Variants in PALLD observed in about 807,000 individuals in gnomAD.
PALLD encodes the protein palladin.
PALLD carries 61 observed loss-of-function variants against 123.5 expected under a neutral mutation model. The ratio of observed to expected loss-of-function variants is 0.49; its 90% confidence interval spans 0.40 to 0.61. The LOEUF is 0.61. Ranked by LOEUF, PALLD falls within the 20% of genes least tolerant of loss-of-function variation. The pLI is 0.00. For synonymous variants in PALLD, 465 were observed against 496.4 expected (o/e 0.94, Z 0.84); for missense variants, 1,273 against 1,377.0 (o/e 0.92, Z 1.20).
At chr4:168,695,299 T>C (rs988406222) in intron 8 of PALLD, among the ~76,000 whole-genome samples, 1 of 152,186 alleles carries the variant, frequency 6.6e-6, no homozygotes, top group African/African-American at 2.4e-5. Context: ...CCCAGTAGAT[T>C]GTATGCAGTA....
intron 10 of PALLD, among the ~76,000 whole-genome samples, chr4:168,783,929 T>G (rs1202044181): frequency 1.3e-5 from 2 of 152,042 alleles, no homozygotes; most frequent in Non-Finnish European, 2.9e-5. Context: ...AAATGAGTGA[T>G]CAGTAAGTGA....
At chr4:168,788,128 A>G (rs1448233331) in intron 10 of PALLD, among the ~76,000 whole-genome samples, 1 of 152,228 alleles carries the variant, frequency 6.6e-6, no homozygotes. Context: ...GCTCACTCCC[A>G]TAGATAGAAG....
rs562583694 is a variant in PALLD, at chr4:168,894,322, C to T, written c.2101-257C>T. ...ACAAATCTTTTCTGTGTGGTTTCTT[C>T]CTTGTCGCTTATTGCTCACTTTAAA... On this transcript the variant is annotated intron_variant, in intron 11 of 21. Transcript: ENST00000505667. 208 of 492,072 alleles carry T rather than the reference C, an allele frequency of 4.2e-4. 2 individuals are homozygous for T. In the East Asian group the frequency reaches 6.8e-3, roughly 16 times the overall value. The allele number at this position is 492,072 out of a possible 1,614,324, so 30.5% of individuals were successfully genotyped here.
chr4:168,703,227 A>G (rs1323846658), intron 8 of PALLD, among the ~76,000 whole-genome samples: 3 of 146,132 alleles, frequency 2.1e-5, no homozygotes, highest in Non-Finnish European at 4.5e-5. Context: ...GTCCCTACAA[A>G]GGACATGAAC....
chr4:168,570,759 T>G (rs370878653), intron 2 of PALLD, among the ~76,000 whole-genome samples: 3 of 152,136 alleles, frequency 2.0e-5, no homozygotes, highest in East Asian at 1.9e-4. Flanking sequence ...ATACTAAAGA[T>G]CCAATGTCCT....
intron 2 of PALLD, among the ~76,000 whole-genome samples, chr4:168,581,303 AT>A (rs112786259): frequency 2.4e-4 from 35 of 146,540 alleles, no homozygotes; most frequent in African/African-American, 4.5e-4. Context: ...TGCTAGTTCT[AT>A]TTTTTTTTTT....
intron 10 of PALLD, among the ~76,000 whole-genome samples, chr4:168,867,947 G>A (rs1015977075): frequency 1.3e-5 from 2 of 151,386 alleles, no homozygotes; most frequent in African/African-American, 4.8e-5. Flanking sequence ...GATAAAACTG[G>A]TCTGAGGGTT....
intron 1 of PALLD, among the ~76,000 whole-genome samples, chr4:168,502,621 T>C (rs1761536907): frequency 6.6e-6 from 1 of 152,184 alleles, no homozygotes; most frequent in Non-Finnish European, 1.5e-5. Flanking sequence ...AATGTTTAGC[T>C]GCACTCAGTG....
chr4:168,754,910 A>G (rs775349049), intron 10 of PALLD, among the ~76,000 whole-genome samples: 15 of 152,160 alleles, frequency 9.9e-5, no homozygotes, highest in Non-Finnish European at 2.1e-4. Flanking sequence ...GTATAAAACA[A>G]TATAATGTGG....
chr4:168,586,265 TCCCA>T (rs1417291866), intron 2 of PALLD, among the ~76,000 whole-genome samples: 3 of 151,652 alleles, frequency 2.0e-5, no homozygotes, highest in Non-Finnish European at 4.4e-5. Context: ...ATTCCAGTAT[TCCCA>T]AACTCCTGGT....
rs1399484562 is a variant in PALLD, at chr4:168,921,734, G to C, written c.3051G>C (p.Val1017=). Residue 1017 remains valine, a synonymous_variant, in exon 18 of 22, where the codon GTG becomes GTC. Coordinates refer to ENST00000505667, the MANE Select transcript of PALLD (RefSeq NM_001166108.2). ...AGAACTCATTCAGCCTGGAGCTTGT[G>C]GTTGCTGGTAGGCTCATCTGTGAAT... ...AGQNSFSLEL[V]VAAKEAHKPP... 1 of 1,611,046 alleles carries C rather than the reference G, an allele frequency of 6.2e-7. No homozygotes were observed. The highest frequency in any genetic ancestry group is 1.3e-5 in the African/African-American group (1 of 74,658).
At chr4:168,610,459 G>A (rs1773621710) in intron 2 of PALLD, among the ~76,000 whole-genome samples, 1 of 152,192 alleles carries the variant, frequency 6.6e-6, no homozygotes, top group African/African-American at 2.4e-5. Flanking sequence ...CTTCGTCGAA[G>A]GTTGTGTGTG....
intron 10 of PALLD, among the ~76,000 whole-genome samples, chr4:168,724,005 G>A (rs1233599358): frequency 6.7e-6 from 1 of 149,362 alleles, no homozygotes; most frequent in Admixed American, 6.8e-5. Context: ...CAATTCTCCT[G>A]CCTCAGCCTC....
intron 2 of PALLD, among the ~76,000 whole-genome samples, chr4:168,574,399 A>G: frequency 6.6e-6 from 1 of 152,164 alleles, no homozygotes. Flanking sequence ...ATGTTCCAGT[A>G]GCTTCTTACT....
intron 2 of PALLD, chr4:168,647,780 C>CAAAAAAAAAAAAAAAAAAAAAAAAAAAA (rs34790739): frequency 1.3e-5 from 1 of 79,138 alleles, no homozygotes; most frequent in Non-Finnish European, 2.4e-5. Flanking sequence ...GACTCTGTCT[C>CAAAAAAAAAAAAAAAAAAAAAAAAAAAA]AAAAAAAAAA....
intron 10 of PALLD, among the ~76,000 whole-genome samples, chr4:168,824,088 T>C (rs1016825550): frequency 2.8e-4 from 42 of 152,328 alleles, no homozygotes; most frequent in African/African-American, 7.9e-4. Context: ...CATATACCCA[T>C]TGCCAATAAA....
At chr4:168,505,715 T>A (rs987228620) in intron 1 of PALLD, among the ~76,000 whole-genome samples, 1 of 152,236 alleles carries the variant, frequency 6.6e-6, no homozygotes, top group African/African-American at 2.4e-5. Context: ...AATGAAATAA[T>A]CTACATGATG....
rs1484808732 is a variant in PALLD at position 168,926,199 on chromosome 4, CT to C, written c.*33-9del. 2.3e-5 allele frequency: 35 copies of C among 1,504,376 alleles called. No homozygotes were observed. Among genetic ancestry groups the C allele is most frequent in the Non-Finnish European group, 2.7e-5 (31 of 1,131,056 alleles). 93.2% of individuals were successfully genotyped at this position (1,504,376 alleles called of 1,614,324 possible). On this transcript the variant is annotated splice_polypyrimidine_tract_variant and intron_variant, in intron 21 of 21. Transcript: ENST00000505667. Reference sequence around the variant, plus strand: ...TCTTGATTAAAAATCTTAATTTACTCTTTTTCTTTGTAGCCCAGTGGCATCA... The same window carrying C: ...TCTTGATTAAAAATCTTAATTTACTCTTTTCTTTGTAGCCCAGTGGCATCA...
intron 20 of PALLD, 33 bp from the exon 21 acceptor site, chr4:168,925,200 T>G: frequency 6.5e-7 from 1 of 1,540,014 alleles, no homozygotes; most frequent in Non-Finnish European, 8.8e-7. Context: ...GTCAAAAAAA[T>G]TCATATTGCT....
Sources: gnomAD v4.1 joint callset for allele counts (sites outside exome capture counted in the v4.1 genomes callset) on GRCh38, gnomAD v4.1.1 for gene constraint, MANE v1.5 for transcripts, NCBI Gene and HGNC (gene_info 2026-07-23, HGNC 2026-07-21) for gene names.